The following WWOX variants were observed in gnomAD, a reference collection of about 807,000 sequenced individuals.
WWOX encodes the protein WW domain containing oxidoreductase, also known as WW domain-containing oxidoreductase.
Under a neutral mutation model 46.2 loss-of-function variants are expected in WWOX, and 69 were observed. The ratio of observed to expected loss-of-function variants is 1.49; its 90% confidence interval spans 1.23 to 1.82. The LOEUF is 1.82. WWOX is among the 40% of genes most tolerant of loss of function. The pLI is 0.00. For synonymous variants in WWOX, 359 were observed against 202.6 expected (o/e 1.77, Z -6.56); for missense variants, 919 against 542.6 (o/e 1.69, Z -6.89).
At chr16:78,279,067 G>A (rs530733882) in intron 5 of WWOX, among the ~76,000 whole-genome samples, 1 of 152,310 alleles carries the variant, frequency 6.6e-6, no homozygotes, top group African/African-American at 2.4e-5. Context: ...AAGGAAGACT[G>A]AGGATGTCAC....
chr16:78,295,818 C>T (rs1454518080), intron 5 of WWOX, among the ~76,000 whole-genome samples: 3 of 152,258 alleles, frequency 2.0e-5, no homozygotes, highest in South Asian at 4.1e-4. Context: ...CACAGGGCTT[C>T]GCCCCCAGCA....
chr16:78,957,011 G>A (rs188044450), intron 8 of WWOX, among the ~76,000 whole-genome samples: 43 of 152,276 alleles, frequency 2.8e-4, no homozygotes, highest in Admixed American at 2.6e-4. Flanking sequence ...TGAGGACTCC[G>A]TGTGTTATTC....
intron 8 of WWOX, among the ~76,000 whole-genome samples, chr16:78,813,834 C>G (rs2051261200): frequency 6.6e-6 from 1 of 152,118 alleles, no homozygotes; most frequent in Non-Finnish European, 1.5e-5. Context: ...TCGTCACCAC[C>G]TTTGCTAATT....
intron 5 of WWOX, among the ~76,000 whole-genome samples, chr16:78,313,935 C>G (rs534871500): frequency 6.6e-6 from 1 of 152,204 alleles, no homozygotes; most frequent in African/African-American, 2.4e-5. Context: ...TGACACTTCC[C>G]TTATATCCGT....
rs1432036852 is a variant in WWOX at position 79,211,939 on chromosome 16, A to T, written c.*143A>T. ...ATAAGAGCAGTCACAACAGAGTGAA[A>T]AATCTTAAGTACCAATGGGAAGCAG... On this transcript the variant is annotated 3_prime_UTR_variant, in exon 9 of 9. Coordinates refer to ENST00000566780, the MANE Select transcript of WWOX (RefSeq NM_016373.4). 4.6e-6 allele frequency: 7 copies of T among 1,537,690 alleles called. No individual in the cohort carries two copies. Among genetic ancestry groups the T allele is most frequent in the African/African-American group, 1.4e-5 (1 of 73,058 alleles).
intron 5 of WWOX, among the ~76,000 whole-genome samples, chr16:78,259,426 A>G (rs2038220347): frequency 6.6e-6 from 1 of 152,124 alleles, no homozygotes; most frequent in Non-Finnish European, 1.5e-5. Flanking sequence ...TCCCGGGTTC[A>G]AGCAATTCTC....
At chr16:78,882,359 A>G (rs1425929638) in intron 8 of WWOX, among the ~76,000 whole-genome samples, 1 of 152,208 alleles carries the variant, frequency 6.6e-6, no homozygotes, top group East Asian at 1.9e-4. Context: ...AAAATAGCAC[A>G]GCAATCTGAC....
chr16:78,763,899 A>G (rs1025678189), intron 8 of WWOX, among the ~76,000 whole-genome samples: 7 of 152,138 alleles, frequency 4.6e-5, no homozygotes, highest in East Asian at 1.9e-4. Flanking sequence ...GTACACCCCA[A>G]TGCCCCAAAA....
chr16:78,624,681 A>C (rs2151649166), intron 8 of WWOX, among the ~76,000 whole-genome samples: 1 of 152,324 alleles, frequency 6.6e-6, no homozygotes, highest in Non-Finnish European at 1.5e-5. Context: ...TTATTGCAGC[A>C]AGATTTTTCT....
At chr16:79,164,127 C>G (rs1353808905) in intron 8 of WWOX, among the ~76,000 whole-genome samples, 1 of 152,192 alleles carries the variant, frequency 6.6e-6, no homozygotes. Context: ...AGAAACAAGG[C>G]TACAAAAACT....
At chr16:78,370,922 G>C (rs2081664471) in intron 5 of WWOX, among the ~76,000 whole-genome samples, 1 of 143,308 alleles carries the variant, frequency 7.0e-6, no homozygotes, top group South Asian at 2.2e-4. Flanking sequence ...TAAAAATTTT[G>C]TTTCCTGACA....
At chr16:78,616,461 C>G (rs983204778) in intron 8 of WWOX, among the ~76,000 whole-genome samples, 8 of 151,362 alleles carry the variant, frequency 5.3e-5, no homozygotes, top group African/African-American at 1.9e-4. Context: ...TCTGGGGTAT[C>G]TTTTAAAAGG....
chr16:78,881,407 C>T (rs949681863), intron 8 of WWOX, among the ~76,000 whole-genome samples: 1 of 152,138 alleles, frequency 6.6e-6, no homozygotes, highest in Admixed American at 6.5e-5. Context: ...TTCTAGGAAA[C>T]TAATATACAG....
chr16:79,093,773 A>G (rs538803343), intron 8 of WWOX, among the ~76,000 whole-genome samples: 3 of 152,336 alleles, frequency 2.0e-5, no homozygotes, highest in South Asian at 4.1e-4. Flanking sequence ...AATCATTGAT[A>G]CTTTTCTCTC....
At chr16:78,535,567 C>G (rs1284034588) in intron 8 of WWOX, 2 of 152,194 alleles carry the variant, frequency 1.3e-5, no homozygotes, top group African/African-American at 4.8e-5. Flanking sequence ...TTTTCTGTCT[C>G]TGATGCCACG....
intron 8 of WWOX, among the ~76,000 whole-genome samples, chr16:79,188,124 C>T (rs1446394146): frequency 6.6e-6 from 1 of 152,146 alleles, no homozygotes; most frequent in Non-Finnish European, 1.5e-5. Flanking sequence ...TTCTCATCTC[C>T]TTCCTGGAAT....
chr16:78,552,855 A>G (rs1415291965), intron 8 of WWOX: 1 of 152,222 alleles, frequency 6.6e-6, no homozygotes, highest in African/African-American at 2.4e-5. Context: ...AAGATGAGGA[A>G]ATGACTGCTA....
chr16:78,478,391 C>A (rs1041117821), intron 8 of WWOX, among the ~76,000 whole-genome samples: 1 of 152,010 alleles, frequency 6.6e-6, no homozygotes, highest in Admixed American at 6.6e-5. Flanking sequence ...TTCCTTAAGC[C>A]AATGTTAGCA....
chr16:79,070,268 A>ATGTGTGTGTGTGTG lies in WWOX; in HGVS notation c.1057-141314_1057-141301dup, dbSNP rs4035490. ...GTTTGTTCTTAGGAATGTGTTTCTG[A>ATGTGTGTGTGTGTG]TGTGTGTGTGTGTGTGTGTGTGTGT... On this transcript the variant is annotated intron_variant, in intron 8 of 8. Coordinates refer to ENST00000566780, the MANE Select transcript of WWOX (RefSeq NM_016373.4). Among the ~76,000 whole-genome samples, 525 of 145,188 alleles carry ATGTGTGTGTGTGTG rather than the reference A, an allele frequency of 3.6e-3. 3 individuals carry two copies. The highest frequency in any genetic ancestry group is 0.017 in the Middle Eastern group (5 of 290).
Sources: gnomAD v4.1 joint callset for allele counts (sites outside exome capture counted in the v4.1 genomes callset) on GRCh38, gnomAD v4.1.1 for gene constraint, MANE v1.5 for transcripts, NCBI Gene and HGNC (gene_info 2026-07-23, HGNC 2026-07-21) for gene names.